The following CYP4B1 variants were observed in gnomAD, a reference collection of about 807,000 sequenced individuals.
The protein encoded by CYP4B1 is cytochrome P450 4B1.
In CYP4B1, 45 loss-of-function variants were observed where a neutral mutation model predicts 54.0. The observed-to-expected ratio is 0.83, with a 90% CI of 0.66 to 1.07. CYP4B1 has a LOEUF of 1.07. Ranked by LOEUF, CYP4B1 falls within the 50% of genes least tolerant of loss-of-function variation. The pLI is 0.00. For synonymous variants in CYP4B1, 248 were observed against 247.5 expected (o/e 1.00, Z -0.02); for missense variants, 656 against 655.4 (o/e 1.00, Z -0.01).
At chr1:46,810,051 C>T (rs1484035070) in intron 1 of CYP4B1, among the ~76,000 whole-genome samples, 1 of 152,176 alleles carries the variant, frequency 6.6e-6, no homozygotes, top group Non-Finnish European at 1.5e-5. Context: ...TGGAAGACAC[C>T]ATGATCTTTC....
At chr1:46,812,471 C>T (rs1557496650) in intron 3 of CYP4B1, 25 bp from the exon 4 acceptor site, 1 of 1,603,738 alleles carries the variant, frequency 6.2e-7, no homozygotes, top group East Asian at 2.2e-5. Flanking sequence ...ACTGACCAGC[C>T]CTCTCTCTCC....
intron 1 of CYP4B1, among the ~76,000 whole-genome samples, chr1:46,803,373 G>A (rs1356922891): frequency 2.0e-5 from 3 of 152,204 alleles, no homozygotes; most frequent in East Asian, 3.9e-4. Flanking sequence ...AGAGAGAGGC[G>A]TTGAGACCTC....
At chr1:46,808,877 C>T (rs1469149666) in intron 1 of CYP4B1, among the ~76,000 whole-genome samples, 3 of 143,668 alleles carry the variant, frequency 2.1e-5, no homozygotes, top group African/African-American at 7.9e-5. Flanking sequence ...GAACAAAAAA[C>T]CAAACACCGC....
chr1:46,808,210 G>A (rs536239530), intron 1 of CYP4B1, among the ~76,000 whole-genome samples: 28 of 152,078 alleles, frequency 1.8e-4, no homozygotes, highest in Non-Finnish European at 3.4e-4. Context: ...GATCCCTGAG[G>A]AATCGCCACA....
chr1:46,818,480 C>T lies in CYP4B1; in HGVS notation c.1356-151C>T, dbSNP rs1330745388. On this transcript the variant is annotated intron_variant, in intron 11 of 11. Coordinates refer to ENST00000371923, the MANE Select transcript of CYP4B1 (RefSeq NM_001099772.2). ...TGGTCTGGGACCCTCACCATGCTCC[C>T]AAGGTTTGTTTCATAAGCCCAGGTC... is the stretch of plus-strand genomic sequence containing the variant. 3.6e-6 allele frequency: 3 copies of T among 825,126 alleles called. No homozygotes were observed. The East Asian group carries it at 7.9e-5, about 22-fold the overall frequency. The allele number at this position is 825,126 out of a possible 1,614,324, so 51.1% of individuals were successfully genotyped here. A position where few individuals can be genotyped will look rare whatever the true frequency, so the allele number is the denominator to read the frequency against.
chr1:46,815,137 G>A lies in CYP4B1; in HGVS notation c.946G>A (p.Glu316Lys). ...GGCTGAAGTGGACACATTCATGTTTGAAGGCCATGACACCACCACCAGTGG... is the reference window on the plus strand; with the variant it reads ...GGCTGAAGTGGACACATTCATGTTTAAAGGCCATGACACCACCACCAGTGG... The part of the protein sequence containing the change: ...LRAEVDTFMF[E>K]GHDTTTSGIS... The change falls in exon 8 of 12, where the codon GAA (glutamate) becomes AAA (lysine). Residue 316 changes from glutamate to lysine, a missense_variant. Transcript: ENST00000371923. 6.2e-7 allele frequency: 1 copy of A among 1,614,222 alleles called. No individual in the cohort carries two copies. Among genetic ancestry groups the A allele is most frequent in the South Asian group, 1.1e-5 (1 of 91,086 alleles).
chr1:46,815,951 G>A (rs574793896), intron 8 of CYP4B1, among the ~76,000 whole-genome samples: 3 of 152,276 alleles, frequency 2.0e-5, no homozygotes, highest in South Asian at 4.1e-4. Flanking sequence ...CAGCCTCCAA[G>A]AGGGGGCTAG....
At chr1:46,803,508 G>A (rs1418979503) in intron 1 of CYP4B1, among the ~76,000 whole-genome samples, 3 of 152,176 alleles carry the variant, frequency 2.0e-5, no homozygotes, top group Admixed American at 6.5e-5. Flanking sequence ...AGAATCTAGC[G>A]AAAGTCATCA....
chr1:46,800,245 C>CT (rs1557484783), intron 1 of CYP4B1, among the ~76,000 whole-genome samples: 1 of 19,744 alleles, frequency 5.1e-5, no homozygotes, highest in Admixed American at 7.8e-4. Flanking sequence ...TTCTTTCCTT[C>CT]CTTCCTTCCT....
intron 1 of CYP4B1, among the ~76,000 whole-genome samples, chr1:46,807,467 A>G (rs45623939): frequency 0.047 from 7,118 of 152,222 alleles, 483 homozygotes; most frequent in African/African-American, 0.14. Flanking sequence ...TGGCCAGGTG[A>G]CCAGGAAGTT....
At position 46,808,982 on chromosome 1, in the gene CYP4B1, G is replaced by C. The variant is rs1218097894; in HGVS notation, c.181-1826G>C. On this transcript the variant is annotated intron_variant, in intron 1 of 11. Coordinates refer to ENST00000371923, the MANE Select transcript of CYP4B1 (RefSeq NM_001099772.2). ...TGGGGACTGTGGTGGGGTGGGGGGA[G>C]GGGGGAGGGGTAGCATTGGGAGATA... is the stretch of plus-strand genomic sequence containing the variant. Among the ~76,000 whole-genome samples, 8 of 120,876 alleles carry C rather than the reference G, an allele frequency of 6.6e-5. No individual in the cohort carries two copies. The East Asian group carries it at 1.9e-3, about 29-fold the overall frequency. The allele number at this position is 120,876 out of a possible 152,430, so 79.3% of individuals were successfully genotyped here. A position where few individuals can be genotyped will look rare whatever the true frequency, so the allele number is the denominator to read the frequency against.
At chr1:46,801,124 A>G (rs917839844) in intron 1 of CYP4B1, among the ~76,000 whole-genome samples, 10 of 152,164 alleles carry the variant, frequency 6.6e-5, no homozygotes, top group Admixed American at 6.5e-4. Flanking sequence ...TCACTAATGA[A>G]CCAGTAGTGA....
chr1:46,806,316 C>A (rs1678858277), intron 1 of CYP4B1, among the ~76,000 whole-genome samples: 1 of 152,180 alleles, frequency 6.6e-6, no homozygotes, highest in Non-Finnish European at 1.5e-5. Flanking sequence ...CTCTTATCCC[C>A]ATTTTGTGAG....
rs751524423 is a variant in CYP4B1, at chr1:46,817,026, G to A, written c.1074-22G>A. The A allele has an allele frequency of 4.3e-6, 7 of 1,612,634 alleles. No homozygotes were observed. In the Admixed American group the frequency reaches 8.3e-5, roughly 19 times the overall value. ...TCCTGTTGCTTCCCATTCCAAGAAT[G>A]TTCTGGTTGTGTTGCTGGCAGGGAT... is the stretch of plus-strand genomic sequence containing the variant. On this transcript the variant is annotated intron_variant, in intron 8 of 11. Transcript: ENST00000371923.
chr1:46,805,492 T>C (rs954726644), intron 1 of CYP4B1, among the ~76,000 whole-genome samples: 1 of 152,244 alleles, frequency 6.6e-6, no homozygotes, highest in African/African-American at 2.4e-5. Flanking sequence ...GGGTTCTTTC[T>C]GTATGTTATC....
In CYP4B1 at chr1:46,803,744, A is replaced by G. The variant is rs187339582; in HGVS notation, c.180+4483A>G. ...TTTTTGCTCTGGTTTGCTGATTTCAATGTAAAAATCACTTGGTGGGCCTGC... is the reference window on the plus strand; with the variant it reads ...TTTTTGCTCTGGTTTGCTGATTTCAGTGTAAAAATCACTTGGTGGGCCTGC... On this transcript the variant is annotated intron_variant, in intron 1 of 11. Coordinates refer to ENST00000371923, the MANE Select transcript of CYP4B1 (RefSeq NM_001099772.2). Among the ~76,000 whole-genome samples the G allele has an allele frequency of 6.9e-4, 105 of 152,270 alleles. No individual in the cohort carries two copies. In the East Asian group the frequency reaches 0.02, roughly 29 times the overall value.
chr1:46,805,604 C>T (rs1416132327), intron 1 of CYP4B1, among the ~76,000 whole-genome samples: 1 of 152,218 alleles, frequency 6.6e-6, no homozygotes, highest in Non-Finnish European at 1.5e-5. Context: ...CCTCTCTGCT[C>T]CCTGGGGTAT....
intron 9 of CYP4B1, chr1:46,817,499 A>G: frequency 2.2e-6 from 1 of 457,478 alleles, no homozygotes; most frequent in African/African-American, 2.0e-5. Flanking sequence ...AGCAACACTC[A>G]CATAGACTAT....
rs1368735166 is a variant in CYP4B1 at position 46,818,010 on chromosome 1, C to T, written c.1253C>T (p.Ala418Val). The change falls in exon 10 of 12, where the codon GCT becomes GTT. Residue 418 changes from alanine (A) to valine (V), a missense_variant. Transcript: ENST00000371923. ...ATCTATGCCCTCCATAGGAACAGTG[C>T]TGTATGGCCCGACCCTGAGGTACCC... The part of the protein sequence containing the change: ...MHIYALHRNS[A>V]VWPDPEVFDS... The T allele has an allele frequency of 6.2e-7, 1 of 1,614,198 alleles. No homozygotes were observed.
Sources: allele counts gnomAD v4.1 joint callset (sites outside exome capture counted in the v4.1 genomes callset), GRCh38; gene constraint gnomAD v4.1.1; transcripts MANE v1.5; gene names NCBI Gene and HGNC (gene_info 2026-07-23, HGNC 2026-07-21).